The following MARCHF3 variants were observed in gnomAD, a reference collection of about 807,000 sequenced individuals.
MARCHF3 encodes membrane associated ring-CH-type finger 3, also known as E3 ubiquitin-protein ligase MARCHF3.
MARCHF3 carries 13 observed loss-of-function variants against 24.2 expected under a neutral mutation model. The observed-to-expected ratio is 0.54, with a 90% CI of 0.35 to 0.85. The LOEUF (loss-of-function observed/expected upper bound fraction) is 0.85. Ranked by LOEUF, MARCHF3 falls within the 40% of genes least tolerant of loss-of-function variation. The probability of loss-of-function intolerance (pLI) is 0.01; values close to 1 mark genes in which losing one functional copy is unlikely to be tolerated. For synonymous variants in MARCHF3, 144 were observed against 137.3 expected (o/e 1.05, Z -0.34); for missense variants, 276 against 325.0 (o/e 0.85, Z 1.16).
chr5:126,964,335 A>T (rs1750735795), intron 1 of MARCHF3, among the ~76,000 whole-genome samples: 1 of 152,190 alleles, frequency 6.6e-6, no homozygotes, highest in African/African-American at 2.4e-5. Flanking sequence ...TACTTGCTGG[A>T]TATACATAAA....
At chr5:126,995,999 A>G (rs1355382486) in intron 1 of MARCHF3, among the ~76,000 whole-genome samples, 1 of 152,254 alleles carries the variant, frequency 6.6e-6, no homozygotes, top group Non-Finnish European at 1.5e-5. Context: ...ATAAGAGGTG[A>G]GACTCCAGAC....
chr5:126,920,154 T>C (rs1749055691), intron 1 of MARCHF3, among the ~76,000 whole-genome samples: 2 of 152,030 alleles, frequency 1.3e-5, no homozygotes, highest in South Asian at 4.2e-4. Flanking sequence ...CCCCAGTAAA[T>C]TTTTTGGGTA....
At chr5:126,931,924 C>A (rs1282129904) in intron 1 of MARCHF3, among the ~76,000 whole-genome samples, 2 of 152,136 alleles carry the variant, frequency 1.3e-5, no homozygotes, top group Non-Finnish European at 2.9e-5. Flanking sequence ...GAGTTAGATA[C>A]CTTGGGTTTG....
At chr5:126,944,010 A>G (rs1233580457) in intron 1 of MARCHF3, among the ~76,000 whole-genome samples, 1 of 151,898 alleles carries the variant, frequency 6.6e-6, no homozygotes, top group African/African-American at 2.4e-5. Flanking sequence ...ACAGGGTTTC[A>G]CCATCTTGGC....
At chr5:126,943,814 C>T (rs1011978484) in intron 1 of MARCHF3, among the ~76,000 whole-genome samples, 3 of 151,826 alleles carry the variant, frequency 2.0e-5, no homozygotes, top group African/African-American at 7.3e-5. Context: ...TGAACCCTTA[C>T]TCTTTTTTTT....
intron 3 of MARCHF3, among the ~76,000 whole-genome samples, chr5:126,913,976 CTTTTTTTTTTTT>C (rs1169856446): frequency 2.8e-5 from 3 of 107,914 alleles, no homozygotes; most frequent in South Asian, 6.6e-4. Context: ...CAATATCCAA[CTTTTTTTTTTTT>C]TTTTTTTTTT....
intron 1 of MARCHF3, among the ~76,000 whole-genome samples, chr5:127,006,188 G>A (rs925095577): frequency 1.6e-4 from 23 of 144,808 alleles, no homozygotes; most frequent in Admixed American, 1.4e-3. Context: ...GGGAGACACA[G>A]TGAGGCTCTG....
chr5:126,919,373 G>A (rs1272929109), intron 1 of MARCHF3, among the ~76,000 whole-genome samples: 1 of 152,184 alleles, frequency 6.6e-6, no homozygotes, highest in Non-Finnish European at 1.5e-5. Flanking sequence ...GACATGGCCT[G>A]GGCTCAGTAG....
rs373536104 is a variant in MARCHF3 at position 126,907,145 on chromosome 5, C to T, written c.393+7785G>A. On this transcript the variant is annotated intron_variant, in intron 3 of 4. Coordinates refer to ENST00000308660, the MANE Select transcript of MARCHF3 (RefSeq NM_178450.5). ...GAGCGGTTTTGAGTGAGATTCTTAA[C>T]CCTGAGTTCTAGTTTGATTGCACTG... Among the ~76,000 whole-genome samples the T allele has an allele frequency of 2.1e-4, 31 of 151,162 alleles. 1 individual carries two copies.
chr5:126,965,969 G>A (rs1395068536), intron 1 of MARCHF3, among the ~76,000 whole-genome samples: 1 of 152,192 alleles, frequency 6.6e-6, no homozygotes, highest in Non-Finnish European at 1.5e-5. Context: ...TAAATAATTT[G>A]TGGTATATTG....
intron 1 of MARCHF3, among the ~76,000 whole-genome samples, chr5:126,920,496 CCTT>C (rs1434770920): frequency 2.6e-5 from 4 of 152,284 alleles, no homozygotes; most frequent in African/African-American, 9.6e-5. Context: ...GACACAGTGA[CCTT>C]CTTGCCGCAT....
intron 1 of MARCHF3, among the ~76,000 whole-genome samples, chr5:126,989,884 G>A (rs1304992771): frequency 6.6e-6 from 1 of 152,088 alleles, no homozygotes; most frequent in Non-Finnish European, 1.5e-5. Context: ...AGCACTTTGG[G>A]AGGCCAAGGT....
chr5:126,919,356 C>T (rs190074520), intron 1 of MARCHF3, among the ~76,000 whole-genome samples: 28 of 152,274 alleles, frequency 1.8e-4, no homozygotes, highest in African/African-American at 6.3e-4. Flanking sequence ...CTCAAGCTCC[C>T]GAGCTCGACA....
intron 4 of MARCHF3, among the ~76,000 whole-genome samples, chr5:126,873,635 CAG>C (rs1476762993): frequency 1.3e-5 from 2 of 152,212 alleles, no homozygotes; most frequent in Non-Finnish European, 2.9e-5. Context: ...TCAAGGAACA[CAG>C]GGAGTCAGCG....
chr5:126,900,010 T>C (rs1161880839), intron 3 of MARCHF3, among the ~76,000 whole-genome samples: 2 of 152,234 alleles, frequency 1.3e-5, no homozygotes, highest in East Asian at 3.9e-4. Context: ...TCCACCATTA[T>C]AGTGCAGACT....
chr5:126,887,203 G>A (rs1324838198), intron 3 of MARCHF3, among the ~76,000 whole-genome samples: 1 of 152,038 alleles, frequency 6.6e-6, no homozygotes, highest in African/African-American at 2.4e-5. Flanking sequence ...CCAGGTGTTT[G>A]TACCCTGGAG....
chr5:126,919,805 T>C (rs572417558), intron 1 of MARCHF3, among the ~76,000 whole-genome samples: 12 of 152,160 alleles, frequency 7.9e-5, no homozygotes, highest in African/African-American at 1.7e-4. Context: ...CCCACCCTCA[T>C]TGGCTGCCTG....
chr5:127,002,719 A>G (rs770829905), intron 1 of MARCHF3, among the ~76,000 whole-genome samples: 13 of 152,242 alleles, frequency 8.5e-5, no homozygotes, highest in African/African-American at 2.7e-4. Flanking sequence ...TGGTGAAACA[A>G]TATCACTGCA....
chr5:127,003,979 T>A (rs1463871806), intron 1 of MARCHF3, among the ~76,000 whole-genome samples: 2 of 151,594 alleles, frequency 1.3e-5, no homozygotes, highest in Non-Finnish European at 2.9e-5. Flanking sequence ...GCATGGGGAG[T>A]GGCTGAGGGA....
Sources: allele counts gnomAD v4.1 joint callset (sites outside exome capture counted in the v4.1 genomes callset), GRCh38; gene constraint gnomAD v4.1.1; transcripts MANE v1.5; gene names NCBI Gene and HGNC (gene_info 2026-07-23, HGNC 2026-07-21).